The following GRIN2A variants were observed in gnomAD, a reference collection of about 807,000 sequenced individuals.
GRIN2A encodes glutamate ionotropic receptor NMDA type subunit 2A.
In GRIN2A, 22 loss-of-function variants were observed where a neutral mutation model predicts 113.4. That is an observed-to-expected ratio of 0.19 (90% confidence interval 0.14 to 0.28). GRIN2A has a LOEUF of 0.28. GRIN2A is among the 10% of genes least tolerant of loss of function. GRIN2A has a pLI of 1.00. For missense variants in GRIN2A, 1,502 were observed against 1,887.0 expected (o/e 0.80, Z 3.78); for synonymous variants, 827 against 738.4 (o/e 1.12, Z -1.94).
intron 2 of GRIN2A, among the ~76,000 whole-genome samples, chr16:10,049,100 A>G (rs1345450726): frequency 1.3e-5 from 2 of 152,196 alleles, no homozygotes; most frequent in Admixed American, 6.5e-5. Flanking sequence ...GACACACTCC[A>G]TACTGAAATT....
chr16:10,091,619 C>T (rs1303025100), intron 2 of GRIN2A, among the ~76,000 whole-genome samples: 2 of 151,932 alleles, frequency 1.3e-5, no homozygotes, highest in Admixed American at 6.6e-5. Flanking sequence ...GGGGAATAGG[C>T]CCCATCTCAA....
At chr16:9,794,510 A>G (rs1902845479) in intron 11 of GRIN2A, 1 of 152,178 alleles carries the variant, frequency 6.6e-6, no homozygotes, top group South Asian at 2.1e-4. Context: ...TAATTCATGT[A>G]TTTACTCCTA....
At chr16:9,882,400 C>A (rs2141457704) in intron 4 of GRIN2A, among the ~76,000 whole-genome samples, 1 of 152,268 alleles carries the variant, frequency 6.6e-6, no homozygotes. Flanking sequence ...AATCCTATAA[C>A]TGGAATCTAC....
rs2044755576 is a variant in GRIN2A at position 9,938,012 on chromosome 16, G to A, written c.954C>T (p.Ala318=). Residue 318 remains alanine, a synonymous_variant, in exon 3 of 13, where the codon GCC becomes GCT. Transcript: ENST00000330684. ...GCCTCTCCATCTGCCCGTAGCAGCT[G>A]GCCTTGGCCTCGGGGATGTAGGAGA... is the stretch of plus-strand genomic sequence containing the variant. ...EKFSYIPEAK[A]SCYGQMERPE... is the part of the protein sequence containing the mutation. The A allele has an allele frequency of 6.2e-7, 1 of 1,614,064 alleles. No homozygotes were observed. Among genetic ancestry groups the A allele is most frequent in the East Asian group, 2.2e-5 (1 of 44,836 alleles).
At chr16:9,809,281 G>A (rs928326374) in intron 10 of GRIN2A, among the ~76,000 whole-genome samples, 5 of 151,918 alleles carry the variant, frequency 3.3e-5, no homozygotes, top group Non-Finnish European at 5.9e-5. Context: ...TCAGCTGGGC[G>A]TCATGGCGCA....
chr16:9,940,811 G>A (rs1045279212), intron 2 of GRIN2A, among the ~76,000 whole-genome samples: 1 of 152,070 alleles, frequency 6.6e-6, no homozygotes, highest in Admixed American at 6.5e-5. Context: ...TATTGATAAA[G>A]AGGAGAATAT....
At chr16:10,092,449 A>C (rs542517202) in intron 2 of GRIN2A, among the ~76,000 whole-genome samples, 34 of 152,316 alleles carry the variant, frequency 2.2e-4, no homozygotes, top group African/African-American at 8.2e-4. Context: ...GGTGCAGTGG[A>C]AAGAGATCAG....
chr16:9,992,767 T>A (rs1445812077), intron 2 of GRIN2A, among the ~76,000 whole-genome samples: 3 of 152,148 alleles, frequency 2.0e-5, no homozygotes, highest in Admixed American at 6.5e-5. Flanking sequence ...TGGACAAATC[T>A]GACACAGAGA....
In GRIN2A at chr16:10,087,806, C is replaced by T. The variant is rs963592799; in HGVS notation, c.414+92192G>A. 5.3e-5 allele frequency among the ~76,000 whole-genome samples: 8 copies of T among 151,056 alleles called. No homozygotes were observed. In the East Asian group the frequency reaches 9.8e-4, roughly 19 times the overall value. On this transcript the variant is annotated intron_variant, in intron 2 of 12. Coordinates refer to ENST00000330684, the MANE Select transcript of GRIN2A (RefSeq NM_001134407.3). Reference sequence around the variant, plus strand: ...GGCTCAAGTGATCCTCCCACCTCAGCTTTCCAAGTAGCTGGGACTATAGGC... The same window carrying T: ...GGCTCAAGTGATCCTCCCACCTCAGTTTTCCAAGTAGCTGGGACTATAGGC...
intron 2 of GRIN2A, among the ~76,000 whole-genome samples, chr16:10,062,233 C>G: frequency 6.6e-6 from 1 of 152,204 alleles, no homozygotes; most frequent in Non-Finnish European, 1.5e-5. Flanking sequence ...ATAGGAAACA[C>G]TTCAGATTAC....
intron 11 of GRIN2A, among the ~76,000 whole-genome samples, chr16:9,790,760 TA>T (rs1474207981): frequency 6.6e-6 from 1 of 152,194 alleles, no homozygotes; most frequent in Non-Finnish European, 1.5e-5. Context: ...TTAAAGAAGG[TA>T]TTAAATCGAT....
chr16:10,050,928 A>T (rs2047347888), intron 2 of GRIN2A, among the ~76,000 whole-genome samples: 1 of 152,212 alleles, frequency 6.6e-6, no homozygotes, highest in African/African-American at 2.4e-5. Context: ...TTTATATAAT[A>T]AATATGTGCC....
chr16:10,002,738 G>C (rs753355960), intron 2 of GRIN2A, among the ~76,000 whole-genome samples: 22 of 152,292 alleles, frequency 1.4e-4, no homozygotes, highest in Admixed American at 3.3e-4. Flanking sequence ...GATGTTGCCA[G>C]CTCTTTCAGT....
In GRIN2A at chr16:10,180,234, C is replaced by T. The variant is rs1276986122; in HGVS notation, c.178G>A (p.Ala60Thr). Residue 60 changes from alanine (A) to threonine (T), a missense_variant, in exon 2 of 13, where the codon GCG becomes ACG. Coordinates refer to ENST00000330684, the MANE Select transcript of GRIN2A (RefSeq NM_001134407.3). This position sits in a 1 kb window ranked among gnomAD's most constrained non-coding sequence, Gnocchi z 7.0. ...ELRTLWGPEQ[A>T]AGLPLDVNVV... ...TTCACGTCCAGGGGCAGCCCCGCCG[C>T]CTGCTCGGGGCCCCACAGTGTTCGA... 1.2e-6 allele frequency: 2 copies of T among 1,614,076 alleles called. No homozygotes were observed. The highest frequency in any genetic ancestry group is 1.7e-5 in the Admixed American group (1 of 60,030).
chr16:10,040,872 CCGT>C (rs1401522348), intron 2 of GRIN2A, among the ~76,000 whole-genome samples: 10 of 152,212 alleles, frequency 6.6e-5, no homozygotes, highest in African/African-American at 2.4e-4. Context: ...TGCCGATGAG[CCGT>C]CGTATCTATG....
rs149145890 is a variant in GRIN2A, at chr16:10,033,450, C to T, written c.415-94899G>A. 1.6e-4 allele frequency among the ~76,000 whole-genome samples: 24 copies of T among 152,150 alleles called. No homozygotes were observed. The South Asian group carries it at 3.3e-3, about 21-fold the overall frequency. ...AAATTGGCAATTGTGATACAAGCTACGATGAAAATAAACAGGATGATGTGA... is the reference window on the plus strand; with the variant it reads ...AAATTGGCAATTGTGATACAAGCTATGATGAAAATAAACAGGATGATGTGA... On this transcript the variant is annotated intron_variant, in intron 2 of 12. Coordinates refer to ENST00000330684, the MANE Select transcript of GRIN2A (RefSeq NM_001134407.3).
At chr16:10,172,700 T>A (rs1039848820) in intron 2 of GRIN2A, among the ~76,000 whole-genome samples, 1 of 152,256 alleles carries the variant, frequency 6.6e-6, no homozygotes, top group Non-Finnish European at 1.5e-5. Flanking sequence ...GCCTTCTGAC[T>A]GTTTCAAAGC....
intron 5 of GRIN2A, among the ~76,000 whole-genome samples, chr16:9,845,444 A>G (rs1206941785): frequency 6.6e-6 from 1 of 152,148 alleles, no homozygotes; most frequent in Non-Finnish European, 1.5e-5. Context: ...TATTGTTATC[A>G]TAGGGGAGGT....
chr16:9,849,224 T>C, intron 5 of GRIN2A, among the ~76,000 whole-genome samples: 1 of 144,254 alleles, frequency 6.9e-6, no homozygotes, highest in East Asian at 2.0e-4. Flanking sequence ...TATTTATATA[T>C]AATGTTTTAT....
Sources: allele counts gnomAD v4.1 joint callset (sites outside exome capture counted in the v4.1 genomes callset), GRCh38; gene constraint gnomAD v4.1.1; non-coding constraint Gnocchi (gnomAD v3.1); transcripts MANE v1.5; gene names NCBI Gene and HGNC (gene_info 2026-07-23, HGNC 2026-07-21).